The following PTPRT variants were observed in gnomAD, a reference collection of about 807,000 sequenced individuals.
The protein encoded by PTPRT is protein tyrosine phosphatase receptor type T, also known as receptor-type tyrosine-protein phosphatase T.
A neutral mutation model predicts 176.8 loss-of-function variants in PTPRT; 56 were observed. The ratio of observed to expected loss-of-function variants is 0.32; its 90% CI spans 0.26 to 0.40. The LOEUF (loss-of-function observed/expected upper bound fraction) is 0.40, where lower values mean the gene tolerates loss of function less well. PTPRT is among the 10% of genes least tolerant of loss of function. The pLI is 1.00. For missense variants in PTPRT, 1,540 were observed against 1,908.2 expected, an observed-to-expected ratio of 0.81 and a Z score of 3.60; for synonymous variants, 783 against 739.0, an observed-to-expected ratio of 1.06 and a Z score of -0.96.
chr20:42,817,004 C>T (rs970062300), intron 2 of PTPRT, among the ~76,000 whole-genome samples: 3 of 152,150 alleles, frequency 2.0e-5, no homozygotes, highest in South Asian at 2.1e-4. Flanking sequence ...CCAGAAGACC[C>T]TGATGGTTCC....
intron 7 of PTPRT, among the ~76,000 whole-genome samples, chr20:42,675,380 C>A (rs187976894): frequency 2.0e-5 from 3 of 152,194 alleles, no homozygotes; most frequent in Non-Finnish European, 2.9e-5. Context: ...ACACAAAATT[C>A]ATTTATGTTT....
intron 9 of PTPRT, among the ~76,000 whole-genome samples, chr20:42,358,989 C>T (rs1406806405): frequency 1.3e-5 from 2 of 152,094 alleles, no homozygotes; most frequent in African/African-American, 4.8e-5. Context: ...AGAGGGTAGG[C>T]CATCAAGAGA....
intron 16 of PTPRT, among the ~76,000 whole-genome samples, chr20:42,185,326 G>A (rs1213756694): frequency 6.6e-6 from 1 of 152,118 alleles, no homozygotes; most frequent in Non-Finnish European, 1.5e-5. Context: ...CCATATAGTA[G>A]CCTATCTGAA....
At chr20:42,176,591 T>C (rs1348193713) in intron 16 of PTPRT, among the ~76,000 whole-genome samples, 1 of 152,166 alleles carries the variant, frequency 6.6e-6, no homozygotes, top group Admixed American at 6.5e-5. Context: ...TGGGAAGATG[T>C]GTGATAGAAG....
intron 1 of PTPRT, among the ~76,000 whole-genome samples, chr20:42,910,395 A>C (rs1021808267): frequency 2.0e-5 from 3 of 152,342 alleles, no homozygotes; most frequent in South Asian, 2.1e-4. Flanking sequence ...AGAATCAATG[A>C]AAATTTTTAT....
intron 7 of PTPRT, among the ~76,000 whole-genome samples, chr20:42,525,868 TG>T (rs2072259052): frequency 2.0e-5 from 3 of 152,186 alleles, no homozygotes; most frequent in Admixed American, 2.0e-4. Flanking sequence ...TTCCTGAAAT[TG>T]TGTGTTTATA....
At chr20:42,100,349 C>A (rs563523874) in intron 26 of PTPRT, among the ~76,000 whole-genome samples, 9 of 152,268 alleles carry the variant, frequency 5.9e-5, no homozygotes, top group Admixed American at 5.2e-4. Context: ...AAAAATTAAC[C>A]CAGAGGACTT....
intron 1 of PTPRT, among the ~76,000 whole-genome samples, chr20:43,037,766 G>T (rs77553665): frequency 6.6e-6 from 1 of 152,114 alleles, no homozygotes; most frequent in Non-Finnish European, 1.5e-5. Flanking sequence ...ATACAGGAAC[G>T]TAAAATCTCC....
At chr20:42,811,115 A>G (rs2077691146) in intron 2 of PTPRT, among the ~76,000 whole-genome samples, 1 of 152,224 alleles carries the variant, frequency 6.6e-6, no homozygotes, top group Non-Finnish European at 1.5e-5. Flanking sequence ...TAAAGAAGAA[A>G]GATTACTTTA....
intron 8 of PTPRT, among the ~76,000 whole-genome samples, chr20:42,448,759 G>T (rs1432917151): frequency 6.6e-6 from 1 of 152,054 alleles, no homozygotes. Context: ...TTTGCTTCAG[G>T]GGTGTCTAAT....
intron 4 of PTPRT, among the ~76,000 whole-genome samples, chr20:42,777,182 C>G (rs1215225040): frequency 6.8e-6 from 1 of 147,506 alleles, no homozygotes; most frequent in Non-Finnish European, 1.5e-5. Flanking sequence ...TCCAGCAGCA[C>G]TCCCTGCAGC....
intron 7 of PTPRT, among the ~76,000 whole-genome samples, chr20:42,571,440 A>C (rs2145688506): frequency 6.6e-6 from 1 of 152,308 alleles, no homozygotes; most frequent in East Asian, 1.9e-4. Flanking sequence ...CATCCTGCCA[A>C]CACATCAATT....
At chr20:42,954,714 C>T (rs1041294874) in intron 1 of PTPRT, among the ~76,000 whole-genome samples, 6 of 152,066 alleles carry the variant, frequency 3.9e-5, no homozygotes, top group African/African-American at 1.4e-4. Flanking sequence ...AGAAAAATGG[C>T]ATAAACTCTA....
chr20:43,066,592 A>G (rs1351188425), intron 1 of PTPRT, among the ~76,000 whole-genome samples: 1 of 152,122 alleles, frequency 6.6e-6, no homozygotes, highest in African/African-American at 2.4e-5. Flanking sequence ...TTCCAACCGA[A>G]TTGCACTTCC....
In PTPRT at chr20:42,416,002, T is replaced by C. The variant is rs951512409; in HGVS notation, c.1560+32218A>G. ...TAAATCTAAATGCTTTCTCTTCCTG[T>C]AGTGGGTTGAATGGTGACTCCTAAA... On this transcript the variant is annotated intron_variant, in intron 9 of 30. Transcript: ENST00000373187. Among the ~76,000 whole-genome samples, 4 of 152,212 alleles carry C rather than the reference T, an allele frequency of 2.6e-5. 1 individual carries two copies. Among genetic ancestry groups the C allele is most frequent in the African/African-American group, 9.6e-5 (4 of 41,452 alleles).
intron 1 of PTPRT, among the ~76,000 whole-genome samples, chr20:43,175,005 T>C (rs115306349): frequency 0.021 from 3,133 of 152,342 alleles, 118 homozygotes; most frequent in African/African-American, 0.071. Context: ...GGGAAAGTGA[T>C]GCCCAAGTTC....
Position 42,136,112 on chromosome 20 carries a change from C to T in PTPRT, c.2770+5803G>A, listed in dbSNP as rs909644878. Among the ~76,000 whole-genome samples, 28 of 152,118 alleles carry T rather than the reference C, an allele frequency of 1.8e-4. 1 individual carries two copies. On this transcript the variant is annotated intron_variant, in intron 18 of 30. Transcript: ENST00000373187. ...TAGCCCAGTAAACCTGTCATCTCAA[C>T]CCACATCCACTTAAAGAGAGAATCA...
At chr20:43,026,204 G>A (rs1185177572) in intron 1 of PTPRT, among the ~76,000 whole-genome samples, 3 of 151,954 alleles carry the variant, frequency 2.0e-5, no homozygotes, top group Non-Finnish European at 2.9e-5. Flanking sequence ...TGCAACCTCC[G>A]CCTCCCAGAT....
the PTPRT span, among the ~76,000 whole-genome samples, chr20:42,048,747 T>A: frequency 3.3e-5 from 5 of 152,208 alleles, no homozygotes; most frequent in African/African-American, 1.2e-4. Context: ...ATCTTCCCTC[T>A]GACCTGTATT....
Sources: allele counts gnomAD v4.1 joint callset (sites outside exome capture counted in the v4.1 genomes callset), GRCh38; gene constraint gnomAD v4.1.1; transcripts MANE v1.5; gene names NCBI Gene and HGNC (gene_info 2026-07-23, HGNC 2026-07-21).